Variants in CREB3L2 observed in about 807,000 individuals in gnomAD.
The protein encoded by CREB3L2 is cyclic AMP-responsive element-binding protein 3-like protein 2.
A neutral mutation model predicts 57.2 loss-of-function variants in CREB3L2; 23 were observed. The ratio of observed to expected loss-of-function variants is 0.40; its 90% CI spans 0.29 to 0.57. The LOEUF (loss-of-function observed/expected upper bound fraction) is 0.57. Among genes scored for constraint, CREB3L2 ranks in the 20% least tolerant of loss-of-function variants. The pLI, the probability that CREB3L2 is intolerant of heterozygous loss-of-function variation, is 0.42. For synonymous variants in CREB3L2, 268 were observed against 265.1 expected, an observed-to-expected ratio of 1.01 and a Z score of -0.11; for missense variants, 628 against 634.7, an observed-to-expected ratio of 0.99 and a Z score of 0.11.
intron 8 of CREB3L2, among the ~76,000 whole-genome samples, chr7:137,898,871 A>G (rs1351862713): frequency 6.6e-6 from 1 of 151,532 alleles, no homozygotes; most frequent in African/African-American, 2.4e-5. Context: ...GAACACATGG[A>G]CCTTATTTGG....
At chr7:137,901,648 A>AT (rs1448575359) in intron 7 of CREB3L2, among the ~76,000 whole-genome samples, 3 of 151,816 alleles carry the variant, frequency 2.0e-5, no homozygotes, top group Non-Finnish European at 4.4e-5. Flanking sequence ...TGGGAGGCCG[A>AT]AGCAGGCGGA....
chr7:137,933,600 A>C (rs1434223485), intron 1 of CREB3L2, among the ~76,000 whole-genome samples: 1 of 152,230 alleles, frequency 6.6e-6, no homozygotes, highest in Non-Finnish European at 1.5e-5. Flanking sequence ...AAGCATTCAC[A>C]GTTGTTATCA....
rs1223849290 is a variant in CREB3L2, at chr7:137,879,942, G to A, written c.*534C>T. On this transcript the variant is annotated 3_prime_UTR_variant, in exon 12 of 12. Coordinates refer to ENST00000330387, the MANE Select transcript of CREB3L2 (RefSeq NM_194071.4). ...CTGCCAGTGCTGCTGCAGGAGACGA[G>A]ACGATCCAGCGAGGGCTCCCAGGGG... 1.7e-5 allele frequency: 4 copies of A among 237,432 alleles called. No homozygotes were observed. Among genetic ancestry groups the A allele is most frequent in the African/African-American group, 2.2e-5 (1 of 45,302 alleles). The allele number at this position is 237,432 out of a possible 1,614,324, so 14.7% of individuals were successfully genotyped here.
chr7:137,985,299 T>G (rs961882676), intron 1 of CREB3L2, among the ~76,000 whole-genome samples: 3 of 152,210 alleles, frequency 2.0e-5, no homozygotes, highest in Admixed American at 6.5e-5. Flanking sequence ...AGAGGTTCTC[T>G]CGCTCAACAA....
intron 8 of CREB3L2, among the ~76,000 whole-genome samples, chr7:137,890,906 C>T (rs1490363512): frequency 1.3e-5 from 2 of 152,152 alleles, no homozygotes; most frequent in Non-Finnish European, 2.9e-5. Flanking sequence ...AAAAGTCAAC[C>T]GCAGGACAGA....
chr7:137,925,174 T>C (rs556882568), intron 2 of CREB3L2, among the ~76,000 whole-genome samples: 10 of 151,034 alleles, frequency 6.6e-5, no homozygotes, highest in African/African-American at 2.4e-4. Context: ...AAGAGAAGAG[T>C]TCTAGTGGGA....
chr7:137,884,404 G>A (rs1322451217), intron 10 of CREB3L2: 5 of 155,208 alleles, frequency 3.2e-5, no homozygotes, highest in East Asian at 1.9e-4. Flanking sequence ...CTGCCACCAC[G>A]CCCGGCTAAT....
chr7:137,913,597 A>G (rs1453835928), intron 3 of CREB3L2, among the ~76,000 whole-genome samples: 2 of 152,012 alleles, frequency 1.3e-5, no homozygotes, highest in African/African-American at 2.4e-5. Context: ...GCCCAAAACT[A>G]TATCAATATT....
chr7:137,921,919 C>T (rs547657877), intron 2 of CREB3L2, among the ~76,000 whole-genome samples: 50 of 151,782 alleles, frequency 3.3e-4, no homozygotes, highest in Middle Eastern at 3.4e-3. Flanking sequence ...TACAGGCGTG[C>T]GTCACCTCAC....
Position 137,986,863 on chromosome 7 carries a change from C to A in CREB3L2, c.102+14741G>T, listed in dbSNP as rs751018170. On this transcript the variant is annotated intron_variant, in intron 1 of 11. Coordinates refer to ENST00000330387, the MANE Select transcript of CREB3L2 (RefSeq NM_194071.4). ...AAACCAAATGGTTTTTTGGCAGCTA[C>A]GTTTCTGCCCCTCTCTTAGCACACA... Among the ~76,000 whole-genome samples the A allele has an allele frequency of 2.0e-5, 3 of 152,212 alleles. No homozygotes were observed. In the South Asian group the frequency reaches 6.2e-4, roughly 31 times the overall value.
At chr7:137,972,700 A>AACAAAAAAACAAAACAAAAC (rs1801529038) in intron 1 of CREB3L2, among the ~76,000 whole-genome samples, 1 of 38,470 alleles carries the variant, frequency 2.6e-5, no homozygotes. Flanking sequence ...AAAAAAAAAA[A>AACAAAAAAACAAAACAAAAC]AAAAAAAAAA....
chr7:137,883,030 G>A (rs534895982), intron 10 of CREB3L2, among the ~76,000 whole-genome samples: 187 of 152,308 alleles, frequency 1.2e-3, no homozygotes, highest in Non-Finnish European at 2.2e-3. Flanking sequence ...TCTGGCAGGG[G>A]GATGAGGTAC....
intron 1 of CREB3L2, among the ~76,000 whole-genome samples, chr7:137,990,108 C>T (rs1801865985): frequency 6.6e-6 from 1 of 152,196 alleles, no homozygotes; most frequent in Non-Finnish European, 1.5e-5. Flanking sequence ...AAAGAATGTC[C>T]AAGTCATTTG....
Position 137,901,393 on chromosome 7 carries a change from T to C in CREB3L2, c.1004A>G (p.Glu335Gly). 1 of 1,608,950 alleles carries C rather than the reference T, an allele frequency of 6.2e-7. No homozygotes were observed. Reference sequence around the variant, plus strand: ...TAGAACCTCTACCTTCTTCCGAAGCTCCAAGTTCTCAGTTGAACAAGACTC... The same window carrying C: ...TAGAACCTCTACCTTCTTCCGAAGCCCCAAGTTCTCAGTTGAACAAGACTC... ...KVESCSTENL[E>G]LRKKVEVLEN... is the part of the protein sequence containing the mutation. Residue 335 changes from glutamate (E) to glycine (G), a missense_variant, in exon 8 of 12, where the codon GAG becomes GGG. Glu to Gly is a moderately conservative substitution (Grantham distance 98). Around this residue, in one of 3 missense-constraint regions of CREB3L2, gnomAD observed 272 missense variants for 242.7 expected, o/e 1.12. Coordinates refer to ENST00000330387, the MANE Select transcript of CREB3L2 (RefSeq NM_194071.4).
rs974843424 is a variant in CREB3L2 at position 137,902,892 on chromosome 7, C to G, written c.974+1067G>C. Among the ~76,000 whole-genome samples the G allele has an allele frequency of 5.9e-5, 9 of 152,104 alleles. No individual in the cohort carries two copies. The East Asian group carries it at 1.2e-3, about 20-fold the overall frequency. On this transcript the variant is annotated intron_variant, in intron 7 of 11. Coordinates refer to ENST00000330387, the MANE Select transcript of CREB3L2 (RefSeq NM_194071.4). ...AGTGCAGTGGCACAATCACAGCTCA[C>G]TGCAGCCTCAACTTCCTGGGCTCAA...
chr7:137,877,851 C>T lies in CREB3L2; in HGVS notation c.*2625G>A, dbSNP rs1352889980. 4 of 228,556 alleles carry T rather than the reference C, an allele frequency of 1.8e-5. No homozygotes were observed. Among genetic ancestry groups the T allele is most frequent in the African/African-American group, 6.7e-5 (3 of 45,112 alleles). 14.2% of individuals were successfully genotyped at this position (228,556 alleles called of 1,614,324 possible). On this transcript the variant is annotated 3_prime_UTR_variant, in exon 12 of 12. Transcript: ENST00000330387. ...AATCCCTGAACAGAAAATGTGCACA[C>T]ATCCATTAACTATTTGGAACCAATC...
intron 1 of CREB3L2, among the ~76,000 whole-genome samples, chr7:137,937,839 T>A (rs941462911): frequency 1.9e-4 from 28 of 148,160 alleles, no homozygotes; most frequent in African/African-American, 5.3e-4. Flanking sequence ...AAAAAAAAAA[T>A]TAAATAAATA....
intron 6 of CREB3L2, among the ~76,000 whole-genome samples, chr7:137,905,322 G>A (rs914478468): frequency 1.2e-4 from 18 of 145,886 alleles, no homozygotes; most frequent in Non-Finnish European, 2.7e-4. Context: ...TAGATACATA[G>A]AGTACATATA....
rs1417000572 is a variant in CREB3L2, at chr7:137,946,950, ATATATATATAGT to A, written c.103-18596_103-18585del. Among the ~76,000 whole-genome samples, 12 of 91,142 alleles carry A rather than the reference ATATATATATAGT, an allele frequency of 1.3e-4. 1 individual carries two copies. The highest frequency in any genetic ancestry group is 6.9e-4 in the South Asian group (2 of 2,896). The allele number at this position is 91,142 out of a possible 152,430, so 59.8% of individuals were successfully genotyped here. A position where few individuals can be genotyped will look rare whatever the true frequency, so the allele number is the denominator to read the frequency against. ...TATATATATAGTTATATATATAGTT[ATATATATATAGT>A]TATATATATAGTTATATATATATAG... On this transcript the variant is annotated intron_variant, in intron 1 of 11. Coordinates refer to ENST00000330387, the MANE Select transcript of CREB3L2 (RefSeq NM_194071.4).
Sources: gnomAD v4.1 joint callset for allele counts (sites outside exome capture counted in the v4.1 genomes callset) on GRCh38, gnomAD v4.1.1 for gene constraint, gnomAD v4.1.1 regional missense constraint, MANE v1.5 for transcripts, NCBI Gene and HGNC (gene_info 2026-07-23, HGNC 2026-07-21) for gene names.